The following DAAM2 variants were observed in gnomAD, a reference collection of about 807,000 sequenced individuals.
The protein encoded by DAAM2 is disheveled-associated activator of morphogenesis 2.
A neutral mutation model predicts 120.7 loss-of-function variants in DAAM2; 39 were observed. That is an observed-to-expected ratio of 0.32 (90% confidence interval 0.25 to 0.42). The LOEUF (loss-of-function observed/expected upper bound fraction) is 0.42, where lower values mean the gene tolerates loss of function less well. Ranked by LOEUF, DAAM2 falls within the 10% of genes least tolerant of loss-of-function variation. The probability of loss-of-function intolerance (pLI) is 1.00; values close to 1 mark genes in which losing one functional copy is unlikely to be tolerated. For synonymous variants in DAAM2, 488 were observed against 524.9 expected, an observed-to-expected ratio of 0.93 and a Z score of 0.96; for missense variants, 1,283 against 1,401.7, an observed-to-expected ratio of 0.92 and a Z score of 1.35.
At chr6:39,816,496 G>A (rs969520935) in intron 1 of DAAM2, among the ~76,000 whole-genome samples, 15 of 152,168 alleles carry the variant, frequency 9.9e-5, no homozygotes, top group Non-Finnish European at 1.6e-4. Context: ...TACTAGTTAC[G>A]AGAACCACAA....
At chr6:39,799,084 A>G (rs1761785988) in intron 1 of DAAM2, among the ~76,000 whole-genome samples, 1 of 152,222 alleles carries the variant, frequency 6.6e-6, no homozygotes, top group African/African-American at 2.4e-5. Context: ...GCTAGTCTCC[A>G]TAACCAGAGG....
rs1201063458 is a variant in DAAM2 at position 39,867,498 on chromosome 6, T to A, written c.429-12T>A. ...ATGCAAATATATGTTTGTTAATGGC[T>A]CTGATTTGTAGGTTTGTGACCCGCT... On this transcript the variant is annotated splice_polypyrimidine_tract_variant and intron_variant, in intron 5 of 24. Coordinates refer to ENST00000274867, the MANE Select transcript of DAAM2 (RefSeq NM_001201427.2). The A allele has an allele frequency of 3.1e-6, 5 of 1,612,056 alleles. No homozygotes were observed. Among genetic ancestry groups the A allele is most frequent in the Non-Finnish European group, 4.2e-6 (5 of 1,178,198 alleles).
chr6:39,828,688 G>A (rs9296309), intron 1 of DAAM2, among the ~76,000 whole-genome samples: 42,846 of 151,360 alleles, frequency 0.28, 6,425 homozygotes, highest in South Asian at 0.38. Flanking sequence ...TCAGCCTCCC[G>A]GGTAGCTGGG....
chr6:39,903,984 G>T lies in DAAM2; in HGVS notation c.*1947G>T. On this transcript the variant is annotated 3_prime_UTR_variant, in exon 25 of 25. Transcript: ENST00000274867. The stretch of plus-strand genomic sequence containing the variant: ...CCCAAGAGCTCCCACTGCAAGACAA[G>T]TGTTGGGGAAGATGGGAGGTTGTGG... 1 of 355,212 alleles carries T rather than the reference G, an allele frequency of 2.8e-6. No homozygotes were observed. Among genetic ancestry groups the T allele is most frequent in the Non-Finnish European group, 5.5e-6 (1 of 181,816 alleles). 22.0% of individuals were successfully genotyped at this position (355,212 alleles called of 1,614,324 possible).
intron 1 of DAAM2, among the ~76,000 whole-genome samples, chr6:39,846,313 C>T (rs1039016079): frequency 5.3e-5 from 8 of 152,222 alleles, no homozygotes; most frequent in African/African-American, 1.9e-4. Flanking sequence ...AAAGGGAGTT[C>T]ATGGGATAGG....
rs762280873 is a variant in DAAM2, at chr6:39,860,901, A to G, written c.169-27A>G. On this transcript the variant is annotated intron_variant, in intron 2 of 24. Coordinates refer to ENST00000274867, the MANE Select transcript of DAAM2 (RefSeq NM_001201427.2). ...TAATCTCAACCATCCCTAGTGTCAGACGTATTTTTTCTTATTGTCTTTGCA... is the reference window on the plus strand; with the variant it reads ...TAATCTCAACCATCCCTAGTGTCAGGCGTATTTTTTCTTATTGTCTTTGCA... 36 of 1,580,634 alleles carry G rather than the reference A, an allele frequency of 2.3e-5. 1 individual carries two copies. Among genetic ancestry groups the G allele is most frequent in the Middle Eastern group, 1.7e-4 (1 of 6,040 alleles).
At chr6:39,899,095 A>C (rs969201043) in intron 22 of DAAM2, 158 bp downstream of exon 22, 3 of 637,710 alleles carry the variant, frequency 4.7e-6, no homozygotes, top group Non-Finnish European at 8.4e-6. Context: ...CTGGGGCTTA[A>C]GTTTGAGCCT....
At chr6:39,810,316 G>T (rs1582602841) in intron 1 of DAAM2, among the ~76,000 whole-genome samples, 1 of 152,204 alleles carries the variant, frequency 6.6e-6, no homozygotes, top group East Asian at 1.9e-4. Flanking sequence ...ATCAAACCTT[G>T]TTTCTCTCTT....
intron 1 of DAAM2, among the ~76,000 whole-genome samples, chr6:39,803,502 A>G (rs1372455669): frequency 6.6e-6 from 1 of 152,200 alleles, no homozygotes; most frequent in African/African-American, 2.4e-5. Flanking sequence ...TCCTCACAGC[A>G]ATCCCATGAG....
At position 39,837,400 on chromosome 6, in the gene DAAM2, A is replaced by G. The variant is rs1011298320; in HGVS notation, c.-56-18847A>G. 3.9e-5 allele frequency among the ~76,000 whole-genome samples: 6 copies of G among 152,112 alleles called. No individual in the cohort carries two copies. The East Asian group carries it at 9.6e-4, about 24-fold the overall frequency. ...AAACCCACATCCTTCCAACAGCTCT[A>G]TCATAAACATAGCTGCTATTCTCGA... On this transcript the variant is annotated intron_variant, in intron 1 of 24. Transcript: ENST00000274867.
intron 2 of DAAM2, among the ~76,000 whole-genome samples, chr6:39,857,045 G>A (rs936135232): frequency 3.9e-5 from 6 of 152,198 alleles, no homozygotes; most frequent in Admixed American, 2.0e-4. Flanking sequence ...ATTCACACCC[G>A]GACCAGCCTG....
rs374612629 is a variant in DAAM2 at position 39,849,008 on chromosome 6, T to TG, written c.-56-7236dup. ...TAGATTTAGAGGGCAACGCTCTCAA[T>TG]GGGTCAGATAGTACAAGTGAGGAGC... On this transcript the variant is annotated intron_variant, in intron 1 of 24. Coordinates refer to ENST00000274867, the MANE Select transcript of DAAM2 (RefSeq NM_001201427.2). 3.2e-3 allele frequency: 485 copies of TG among 152,360 alleles called. 1 individual carries two copies. Among genetic ancestry groups the TG allele is most frequent in the African/African-American group, 0.011 (449 of 41,584 alleles). 9.4% of individuals were successfully genotyped at this position (152,360 alleles called of 1,614,324 possible).
In DAAM2 at chr6:39,878,716, C is replaced by T; in HGVS notation, c.1545+128C>T. The T allele has an allele frequency of 1.0e-6, 1 of 981,054 alleles. No homozygotes were observed. The highest frequency in any genetic ancestry group is 1.5e-6 in the Non-Finnish European group (1 of 668,708). 60.8% of individuals were successfully genotyped at this position (981,054 alleles called of 1,614,324 possible). On this transcript the variant is annotated intron_variant, in intron 13 of 24. Transcript: ENST00000274867. The surrounding 1 kb of genome is among the most constrained non-coding windows in gnomAD (Gnocchi z 5.0). The stretch of plus-strand genomic sequence containing the variant: ...GGAGAAGGGAGATGGAGACCTTGGG[C>T]CAGGATAGAAGAGACCCTTGAGGCT...
chr6:39,884,368 T>C (rs1765275461), intron 15 of DAAM2: 2 of 276,400 alleles, frequency 7.2e-6, no homozygotes, highest in African/African-American at 2.1e-5. Flanking sequence ...ATTGAAATGG[T>C]GTTTTGTCCA....
At chr6:39,858,923 G>A (rs1336295169) in intron 2 of DAAM2, among the ~76,000 whole-genome samples, 2 of 152,170 alleles carry the variant, frequency 1.3e-5, no homozygotes, top group Non-Finnish European at 2.9e-5. Flanking sequence ...GGGTGAAGCA[G>A]GAGAGACTGC....
intron 1 of DAAM2, among the ~76,000 whole-genome samples, chr6:39,847,813 A>C (rs1763655466): frequency 6.6e-6 from 1 of 152,024 alleles, no homozygotes; most frequent in Non-Finnish European, 1.5e-5. Flanking sequence ...GTGCCACCAG[A>C]AATGTCTCTT....
At chr6:39,836,705 CG>C (rs1763115060) in intron 1 of DAAM2, among the ~76,000 whole-genome samples, 1 of 152,160 alleles carries the variant, frequency 6.6e-6, no homozygotes, top group Non-Finnish European at 1.5e-5. Context: ...AGCTTGAGAA[CG>C]GCTGGTTTGG....
At chr6:39,898,766 C>T in intron 21 of DAAM2, 111 bp from the exon 22 acceptor site, 2 of 897,868 alleles carry the variant, frequency 2.2e-6, no homozygotes, top group South Asian at 1.4e-5. Flanking sequence ...AACCCAGGCT[C>T]ACCGACTCCC....
intron 4 of DAAM2, 40 bp from the exon 5 acceptor site, chr6:39,864,940 T>C: frequency 1.3e-6 from 2 of 1,568,478 alleles, no homozygotes; most frequent in Non-Finnish European, 1.7e-6. Flanking sequence ...GTGCAGAGGG[T>C]TGGGAGACAG....
Sources: gnomAD v4.1 joint callset for allele counts (sites outside exome capture counted in the v4.1 genomes callset) on GRCh38, gnomAD v4.1.1 for gene constraint, Gnocchi (gnomAD v3.1) non-coding constraint, MANE v1.5 for transcripts, NCBI Gene and HGNC (gene_info 2026-07-23, HGNC 2026-07-21) for gene names.